MAGI2: variants seen among roughly 807,000 people sequenced by gnomAD.
MAGI2 encodes membrane associated guanylate kinase, WW and PDZ domain containing 2.
MAGI2 carries 35 observed loss-of-function variants against 133.3 expected under a neutral mutation model. The ratio of observed to expected loss-of-function variants is 0.26; its 90% CI spans 0.20 to 0.35. The LOEUF (loss-of-function observed/expected upper bound fraction) is 0.35. Ranked by LOEUF, MAGI2 falls within the 10% of genes least tolerant of loss-of-function variation. MAGI2 has a pLI of 1.00. For synonymous variants in MAGI2, 729 were observed against 710.6 expected (o/e 1.03, Z -0.41); for missense variants, 1,636 against 1,863.4 (o/e 0.88, Z 2.25).
In MAGI2 at chr7:78,689,186, C is replaced by T. The variant is rs544334324; in HGVS notation, c.419-61947G>A. ...GAAGTGTGAGAAATTTTAAAATTTA[C>T]ATATTACATTTTAGTAAATGTTTAA... On this transcript the variant is annotated intron_variant, in intron 2 of 21. Transcript: ENST00000354212. Among the ~76,000 whole-genome samples, 5 of 152,218 alleles carry T rather than the reference C, an allele frequency of 3.3e-5. No homozygotes were observed. In the East Asian group the frequency reaches 9.6e-4, roughly 29 times the overall value.
intron 1 of MAGI2, among the ~76,000 whole-genome samples, chr7:79,151,898 T>A (rs1823284071): frequency 1.4e-5 from 1 of 70,454 alleles, no homozygotes; most frequent in Admixed American, 1.2e-4. Flanking sequence ...GTGTCTAAAG[T>A]CCAGAAATTA....
chr7:78,701,164 A>G (rs1246569659), intron 2 of MAGI2, among the ~76,000 whole-genome samples: 1 of 151,840 alleles, frequency 6.6e-6, no homozygotes, highest in African/African-American at 2.4e-5. Context: ...ATAAATTAGA[A>G]TATAAAATCA....
chr7:78,791,956 G>GA (rs1787186967), intron 2 of MAGI2, among the ~76,000 whole-genome samples: 1 of 152,262 alleles, frequency 6.6e-6, no homozygotes, highest in South Asian at 2.1e-4. Context: ...TTAGAATTTA[G>GA]AAAATGATCT....
chr7:78,703,461 C>T (rs953661002), intron 2 of MAGI2, among the ~76,000 whole-genome samples: 1 of 151,980 alleles, frequency 6.6e-6, no homozygotes, highest in African/African-American at 2.4e-5. Flanking sequence ...AATTTCTCAT[C>T]TGCTATCTAA....
chr7:78,245,540 C>T (rs1456562560), intron 10 of MAGI2, among the ~76,000 whole-genome samples: 1 of 151,906 alleles, frequency 6.6e-6, no homozygotes, highest in Non-Finnish European at 1.5e-5. Flanking sequence ...TAGTGCACAT[C>T]AAAGGAGTGG....
intron 1 of MAGI2, among the ~76,000 whole-genome samples, chr7:79,163,180 A>G (rs115220956): frequency 6.6e-6 from 1 of 152,054 alleles, no homozygotes. Context: ...CGATTTATTT[A>G]TGTATATATT....
intron 2 of MAGI2, among the ~76,000 whole-genome samples, chr7:78,853,546 G>T (rs1450584322): frequency 1.3e-5 from 2 of 151,152 alleles, no homozygotes; most frequent in Non-Finnish European, 3.0e-5. Context: ...TGTAGAGACA[G>T]GGTCTCACCA....
intron 6 of MAGI2, among the ~76,000 whole-genome samples, chr7:78,409,349 A>T (rs539960692): frequency 1.3e-5 from 2 of 152,206 alleles, no homozygotes; most frequent in East Asian, 3.9e-4. Context: ...CTCGTTTTAT[A>T]GATGAGAAAG....
chr7:78,430,240 C>CTTTTTTT (rs545809101), intron 6 of MAGI2, among the ~76,000 whole-genome samples: 16 of 76,638 alleles, frequency 2.1e-4, no homozygotes, highest in African/African-American at 5.0e-4. Flanking sequence ...CTGGAAAAGC[C>CTTTTTTT]TTTTTTTTTT....
intron 10 of MAGI2, among the ~76,000 whole-genome samples, chr7:78,224,687 A>C (rs1400075414): frequency 7.1e-6 from 1 of 141,166 alleles, no homozygotes; most frequent in Non-Finnish European, 1.5e-5. Context: ...CAGCAACAAC[A>C]ACGTAAATTT....
intron 1 of MAGI2, among the ~76,000 whole-genome samples, chr7:79,443,634 T>C (rs1848645592): frequency 6.6e-6 from 1 of 152,190 alleles, no homozygotes. Flanking sequence ...TGCAAAATGT[T>C]AAAAATGTAT....
chr7:78,527,006 C>CAAAAAAAAAAAAAAAAAAAAAAAAAA lies in MAGI2; in HGVS notation c.539-5387_539-5362dup, dbSNP rs55707442. Among the ~76,000 whole-genome samples, 37 of 45,416 alleles carry CAAAAAAAAAAAAAAAAAAAAAAAAAA rather than the reference C, an allele frequency of 8.1e-4. 1 individual carries two copies. Among genetic ancestry groups the CAAAAAAAAAAAAAAAAAAAAAAAAAA allele is most frequent in the Non-Finnish European group, 1.3e-3 (29 of 22,548 alleles). The allele number at this position is 45,416 out of a possible 152,430, so 29.8% of individuals were successfully genotyped here. On this transcript the variant is annotated intron_variant, in intron 3 of 21. Transcript: ENST00000354212. The stretch of plus-strand genomic sequence containing the variant: ...ATGGTGACAGGGCAAGACTCCATCT[C>CAAAAAAAAAAAAAAAAAAAAAAAAAA]AAAAAAAAAAAAAAAAAAAAAAAAA...
intron 6 of MAGI2, among the ~76,000 whole-genome samples, chr7:78,462,969 G>C (rs1227262065): frequency 6.6e-6 from 1 of 152,222 alleles, no homozygotes; most frequent in Non-Finnish European, 1.5e-5. Flanking sequence ...CTAAAATTGA[G>C]AAACAGGTGG....
At chr7:78,393,424 T>C (rs1796080027) in intron 6 of MAGI2, among the ~76,000 whole-genome samples, 1 of 152,232 alleles carries the variant, frequency 6.6e-6, no homozygotes, top group Non-Finnish European at 1.5e-5. Context: ...GCAGTGTCTT[T>C]ACTCAGCTGT....
intron 2 of MAGI2, among the ~76,000 whole-genome samples, chr7:78,926,867 C>G (rs1799735884): frequency 6.6e-6 from 1 of 151,070 alleles, no homozygotes; most frequent in Admixed American, 6.6e-5. Flanking sequence ...AACATGAGTA[C>G]CATTCTGACT....
intron 9 of MAGI2, among the ~76,000 whole-genome samples, chr7:78,337,412 A>C (rs1789884626): frequency 2.0e-5 from 3 of 152,200 alleles, no homozygotes; most frequent in Admixed American, 1.3e-4. Context: ...AGTGCTGACT[A>C]AGAAAGAAAT....
At chr7:78,655,853 C>A (rs1346369999) in intron 2 of MAGI2, among the ~76,000 whole-genome samples, 2 of 151,578 alleles carry the variant, frequency 1.3e-5, no homozygotes, top group Non-Finnish European at 2.9e-5. Context: ...CGGTGGCGGG[C>A]GCCTGTAGTC....
At chr7:78,817,395 CCA>C (rs1298102770) in intron 2 of MAGI2, among the ~76,000 whole-genome samples, 1 of 152,176 alleles carries the variant, frequency 6.6e-6, no homozygotes, top group Non-Finnish European at 1.5e-5. Context: ...GAAAGAAGTT[CCA>C]CTGTGGGTAA....
chr7:79,333,379 G>C (rs1015483783), intron 1 of MAGI2, among the ~76,000 whole-genome samples: 3 of 152,096 alleles, frequency 2.0e-5, no homozygotes, highest in African/African-American at 7.2e-5. Context: ...GCCTGCTTCA[G>C]CCTCCCAAAG....
Sources: gnomAD v4.1 joint callset for allele counts (sites outside exome capture counted in the v4.1 genomes callset) on GRCh38, gnomAD v4.1.1 for gene constraint, MANE v1.5 for transcripts, NCBI Gene and HGNC (gene_info 2026-07-23, HGNC 2026-07-21) for gene names.